SUFU: variants seen among roughly 807,000 people sequenced by gnomAD.
SUFU encodes suppressor of fused homolog.
SUFU carries 7 observed loss-of-function variants against 58.9 expected under a neutral mutation model. The ratio of observed to expected loss-of-function variants is 0.12; its 90% CI spans 0.07 to 0.22. SUFU has a LOEUF of 0.22. Ranked by LOEUF, SUFU falls within the 10% of genes least tolerant of loss-of-function variation. SUFU has a pLI of 1.00. For missense variants in SUFU, 451 were observed against 641.3 expected (o/e 0.70, Z 3.20); for synonymous variants, 232 against 254.8 (o/e 0.91, Z 0.85).
At chr10:102,618,802 C>T in intron 10 of SUFU, 1 of 548,502 alleles carries the variant, frequency 1.8e-6, no homozygotes, top group Non-Finnish European at 3.2e-6. Flanking sequence ...TCCCGGGCTG[C>T]TGCGTCTGCC....
At chr10:102,620,927 C>T (rs1171517488) in intron 10 of SUFU, among the ~76,000 whole-genome samples, 3 of 152,302 alleles carry the variant, frequency 2.0e-5, no homozygotes, top group Non-Finnish European at 4.4e-5. Flanking sequence ...GTTTTAGGCC[C>T]CGCAATGCTT....
At chr10:102,535,930 AGATGATGATGATGATGATGAT>A (rs36203045) in intron 2 of SUFU, among the ~76,000 whole-genome samples, 1 of 148,720 alleles carries the variant, frequency 6.7e-6, no homozygotes, top group Admixed American at 6.7e-5. Flanking sequence ...TCTAGGCTGG[AGATGATGATGATGATGATGAT>A]GATGATGATG....
chr10:102,550,990 C>T (rs1379851876), intron 3 of SUFU, among the ~76,000 whole-genome samples: 1 of 152,058 alleles, frequency 6.6e-6, no homozygotes, highest in African/African-American at 2.4e-5. Context: ...GTGATCTGCC[C>T]GCCTCGCCTC....
At position 102,617,140 on chromosome 10, in the gene SUFU, C is replaced by CAAA; in HGVS notation, c.1158-150_1158-149insAAA. ...GAAATGAGCGTGTTTGGATACAGTC[C>CAAA]CCTGTTGATGGGCAGGTGGGCAGCC... On this transcript the variant is annotated intron_variant, in intron 9 of 11. Coordinates refer to ENST00000369902, the MANE Select transcript of SUFU (RefSeq NM_016169.4). This position sits in a 1 kb window ranked among gnomAD's most constrained non-coding sequence, Gnocchi z 4.4. 1.1e-6 allele frequency: 1 copy of CAAA among 881,792 alleles called. No homozygotes were observed. Among genetic ancestry groups the CAAA allele is most frequent in the Non-Finnish European group, 1.8e-6 (1 of 546,650 alleles). 54.6% of individuals were successfully genotyped at this position (881,792 alleles called of 1,614,324 possible).
intron 3 of SUFU, among the ~76,000 whole-genome samples, chr10:102,576,993 A>G (rs2063218203): frequency 6.6e-6 from 1 of 151,812 alleles, no homozygotes; most frequent in African/African-American, 2.4e-5. Context: ...GAATCACTGT[A>G]CCCAGTCTAA....
intron 2 of SUFU, among the ~76,000 whole-genome samples, chr10:102,535,930 AGATGATGATGATGAT>A (rs36203045): frequency 7.4e-5 from 11 of 148,720 alleles, no homozygotes; most frequent in East Asian, 2.0e-4. Flanking sequence ...TCTAGGCTGG[AGATGATGATGATGAT>A]GATGATGATG....
intron 3 of SUFU, among the ~76,000 whole-genome samples, chr10:102,590,194 C>G (rs1242354149): frequency 9.1e-6 from 1 of 109,358 alleles, no homozygotes; most frequent in African/African-American, 3.6e-5. Context: ...AGTACAGAGT[C>G]TCACACTGTC....
In SUFU at chr10:102,514,539, G is replaced by T. The variant is rs546141718; in HGVS notation, c.317+5236G>T. The stretch of plus-strand genomic sequence containing the variant: ...AAGTTCCAGGTCTGGGCAGCCACAG[G>T]AGAGAACAGAGTGCTTTTCTAGGAA... On this transcript the variant is annotated intron_variant, in intron 2 of 11. Coordinates refer to ENST00000369902, the MANE Select transcript of SUFU (RefSeq NM_016169.4). Among the ~76,000 whole-genome samples, 46 of 152,316 alleles carry T rather than the reference G, an allele frequency of 3.0e-4. 1 individual carries two copies. In the South Asian group the frequency reaches 9.5e-3, roughly 32 times the overall value.
chr10:102,578,511 C>T (rs2063238315), intron 3 of SUFU, among the ~76,000 whole-genome samples: 1 of 151,598 alleles, frequency 6.6e-6, no homozygotes, highest in African/African-American at 2.4e-5. Context: ...AGATTGAGAA[C>T]ATCCTGGCCA....
intron 2 of SUFU, among the ~76,000 whole-genome samples, chr10:102,516,794 C>T (rs1208083543): frequency 6.6e-6 from 1 of 151,806 alleles, no homozygotes; most frequent in Non-Finnish European, 1.5e-5. Flanking sequence ...GCTGGGATTA[C>T]AGGTGTAAGC....
chr10:102,594,116 T>A (rs1325721348), intron 6 of SUFU, 51 bp downstream of exon 6: 1 of 1,568,212 alleles, frequency 6.4e-7, no homozygotes, highest in African/African-American at 1.4e-5. Context: ...CTAGGCCTCT[T>A]CCAAATAACA....
rs753820791 is a variant in SUFU, at chr10:102,509,174, G to A, written c.188G>A (p.Gly63Asp). 1 of 1,614,028 alleles carries A rather than the reference G, an allele frequency of 6.2e-7. No individual in the cohort carries two copies. Among genetic ancestry groups the A allele is most frequent in the South Asian group, 1.1e-5 (1 of 91,080 alleles). The change falls in exon 2 of 12, where the codon GGT (glycine) becomes GAT (aspartate). Residue 63 changes from glycine to aspartate, a missense_variant. Coordinates refer to ENST00000369902, the MANE Select transcript of SUFU (RefSeq NM_016169.4). ...QVTAIVKYWL[G>D]GPDPLDYVSM... ...CTGTGTTTTGTTTTTTGCAGGTTGG[G>A]TGGCCCAGACCCCTTGGACTATGTT...
chr10:102,510,191 A>G (rs1280927253), intron 2 of SUFU, among the ~76,000 whole-genome samples: 2 of 151,130 alleles, frequency 1.3e-5, no homozygotes, highest in African/African-American at 2.4e-5. Flanking sequence ...GAGCAATTAT[A>G]TCATGTACTC....
intron 2 of SUFU, among the ~76,000 whole-genome samples, chr10:102,539,617 A>G (rs1234572244): frequency 6.6e-6 from 1 of 152,190 alleles, no homozygotes; most frequent in Non-Finnish European, 1.5e-5. Context: ...TTATTATTAC[A>G]ATAGTTGTCA....
intron 8 of SUFU, among the ~76,000 whole-genome samples, chr10:102,609,538 C>T (rs904119733): frequency 1.3e-5 from 2 of 152,212 alleles, no homozygotes; most frequent in Admixed American, 6.5e-5. Context: ...TTGTACTTCT[C>T]TTTGGAGCAA....
chr10:102,566,687 C>T (rs1255662650), intron 3 of SUFU, among the ~76,000 whole-genome samples: 1 of 150,036 alleles, frequency 6.7e-6, no homozygotes, highest in African/African-American at 2.5e-5. Flanking sequence ...ATCGCCTGAA[C>T]TTGGGAGGCG....
chr10:102,534,491 A>C (rs2062713072), intron 2 of SUFU, among the ~76,000 whole-genome samples: 1 of 152,202 alleles, frequency 6.6e-6, no homozygotes, highest in African/African-American at 2.4e-5. Context: ...CCCCTAGGGG[A>C]CAGGCGGAGG....
intron 2 of SUFU, among the ~76,000 whole-genome samples, chr10:102,525,613 C>A (rs1324122050): frequency 1.3e-5 from 2 of 152,174 alleles, no homozygotes; most frequent in African/African-American, 4.8e-5. Flanking sequence ...AGCGATTCTC[C>A]TGCCTCAGTC....
At chr10:102,626,742 C>T (rs1353144937) in intron 10 of SUFU, among the ~76,000 whole-genome samples, 6 of 152,192 alleles carry the variant, frequency 3.9e-5, no homozygotes, top group African/African-American at 1.4e-4. Flanking sequence ...AAACAGTTTC[C>T]TTTTGTCCTT....
Sources: gnomAD v4.1 joint callset for allele counts (sites outside exome capture counted in the v4.1 genomes callset) on GRCh38, gnomAD v4.1.1 for gene constraint, Gnocchi (gnomAD v3.1) non-coding constraint, MANE v1.5 for transcripts, NCBI Gene and HGNC (gene_info 2026-07-23, HGNC 2026-07-21) for gene names.